PTGS1: variants seen among roughly 807,000 people sequenced by gnomAD.
PTGS1 encodes prostaglandin G/H synthase 1.
Under a neutral mutation model 63.0 loss-of-function variants are expected in PTGS1, and 40 were observed. That is an observed-to-expected ratio of 0.63 (90% CI 0.49 to 0.83). The LOEUF is 0.83. Among genes scored for constraint, PTGS1 ranks in the 40% least tolerant of loss-of-function variants. The probability of loss-of-function intolerance (pLI) is 0.00; values close to 1 mark genes in which losing one functional copy is unlikely to be tolerated. For missense variants in PTGS1, 709 were observed against 786.5 expected, an observed-to-expected ratio of 0.90 and a Z score of 1.18; for synonymous variants, 298 against 301.9, an observed-to-expected ratio of 0.99 and a Z score of 0.13.
chr9:122,373,867 T>C (rs548386424), intron 2 of PTGS1, among the ~76,000 whole-genome samples: 24 of 148,540 alleles, frequency 1.6e-4, no homozygotes, highest in Non-Finnish European at 2.8e-4. Context: ...TTTTTTTTTT[T>C]TCTCTCTGGC....
intron 2 of PTGS1, among the ~76,000 whole-genome samples, chr9:122,373,709 C>T (rs976918881): frequency 3.3e-5 from 5 of 152,204 alleles, no homozygotes; most frequent in African/African-American, 4.8e-5. Context: ...CACCTGCTCT[C>T]GCCAGCACCA....
intron 3 of PTGS1, 102 bp from the exon 4 acceptor site, chr9:122,378,331 C>G (rs1487047706): frequency 1.3e-6 from 2 of 1,506,194 alleles, no homozygotes; most frequent in African/African-American, 1.4e-5. Context: ...AGGTGCTACT[C>G]TGTTCCACCC....
At chr9:122,372,975 A>G (rs3119773) in intron 2 of PTGS1, 130,695 of 152,324 alleles carry the variant, frequency 0.86, 56,186 homozygotes, top group East Asian at 0.99. Context: ...TCATGGGAGG[A>G]AGCAGGGGTA....
At position 122,390,254 on chromosome 9, in the gene PTGS1, C is replaced by T. The variant is rs1374814910; in HGVS notation, c.1353C>T (p.Ile451=). 2.5e-6 allele frequency: 4 copies of T among 1,613,994 alleles called. No homozygotes were observed. The highest frequency in any genetic ancestry group is 3.4e-6 in the Non-Finnish European group (4 of 1,180,018). The change falls in exon 10 of 11, where the codon ATC becomes ATT. Residue 451 remains isoleucine, a synonymous_variant. Transcript: ENST00000362012. The part of the protein sequence containing the change: ...HHILHVAVDV[I]RESREMRLQP... The stretch of plus-strand genomic sequence containing the variant: ...TCCTGCATGTGGCTGTGGATGTCAT[C>T]AGGGAGTCTCGGGAGATGCGGCTGC...
intron 9 of PTGS1, among the ~76,000 whole-genome samples, chr9:122,389,661 A>G (rs1838084073): frequency 1.3e-5 from 2 of 152,106 alleles, no homozygotes; most frequent in African/African-American, 4.8e-5. Flanking sequence ...CACACTTCAA[A>G]GATGAGGAAG....
intron 8 of PTGS1, among the ~76,000 whole-genome samples, chr9:122,386,130 TAAA>T (rs72444571): frequency 5.0e-5 from 7 of 138,940 alleles, no homozygotes; most frequent in Non-Finnish European, 7.9e-5. Context: ...CCCCATCTCT[TAAA>T]AAAAAAAAAA....
rs532566139 is a variant in PTGS1 at position 122,378,329 on chromosome 9, C to G, written c.212-104C>G. ...CTTACCCACTTCCCCATAGGTGCTA[C>G]TCTGTTCCACCCTGGCCCTTGTCCT... On this transcript the variant is annotated intron_variant, in intron 3 of 10. Transcript: ENST00000362012. 4.3e-5 allele frequency: 65 copies of G among 1,511,304 alleles called. No individual in the cohort carries two copies. In the South Asian group the frequency reaches 6.9e-4, roughly 16 times the overall value. 93.6% of individuals were successfully genotyped at this position (1,511,304 alleles called of 1,614,324 possible).
intron 7 of PTGS1, 139 bp downstream of exon 7, chr9:122,381,886 G>C (rs1837552821): frequency 1.2e-6 from 1 of 867,462 alleles, no homozygotes; most frequent in Admixed American, 2.2e-5. Flanking sequence ...AGGAGCGACA[G>C]TATACGCTGG....
intron 2 of PTGS1, chr9:122,371,877 C>G (rs77329588): frequency 7.2e-7 from 1 of 1,389,036 alleles, no homozygotes; most frequent in Non-Finnish European, 9.9e-7. Context: ...ACATGGTGGG[C>G]CCAGGATCTG....
At position 122,371,244 on chromosome 9, in the gene PTGS1, G is replaced by A; in HGVS notation, c.66G>A (p.Leu22=). 1 of 1,607,138 alleles carries A rather than the reference G, an allele frequency of 6.2e-7. No homozygotes were observed. ...FLLLLPPLPV[L]LADPGAPTPV... is the part of the protein sequence containing the mutation. The stretch of plus-strand genomic sequence containing the variant: ...TCCTGCTCCCGCCGCTCCCCGTCCT[G>A]CTCGCGGACCCAGGGGCGCCCACGC... Residue 22 remains leucine, a synonymous_variant, in exon 2 of 11, where the codon CTG becomes CTA. Transcript: ENST00000362012.
chr9:122,387,455 A>G (rs1411437648), intron 9 of PTGS1, among the ~76,000 whole-genome samples: 1 of 152,194 alleles, frequency 6.6e-6, no homozygotes, highest in Non-Finnish European at 1.5e-5. Context: ...CCAGAACCTT[A>G]GTATGTGACT....
intron 2 of PTGS1, among the ~76,000 whole-genome samples, chr9:122,377,148 A>T (rs1057428918): frequency 6.6e-6 from 1 of 152,052 alleles, no homozygotes; most frequent in Non-Finnish European, 1.5e-5. Context: ...GAGACCTTGG[A>T]GTCCCCCTCC....
chr9:122,386,360 A>G, intron 8 of PTGS1, 86 bp from the exon 9 acceptor site: 2 of 1,382,722 alleles, frequency 1.4e-6, no homozygotes, highest in Non-Finnish European at 2.0e-6. Context: ...AAAAGCAAGC[A>G]CCTCTCATGA....
chr9:122,383,319 C>A (rs1170370463), intron 7 of PTGS1, among the ~76,000 whole-genome samples, 190 bp from the exon 8 acceptor site: 2 of 148,094 alleles, frequency 1.4e-5, no homozygotes, highest in Non-Finnish European at 3.0e-5. Flanking sequence ...GGAAGATGAG[C>A]GGGGGTTGCT....
At chr9:122,383,802 C>T (rs1429093973) in intron 8 of PTGS1, 47 bp downstream of exon 8, 1 of 1,582,050 alleles carries the variant, frequency 6.3e-7, no homozygotes, top group Middle Eastern at 1.7e-4. Context: ...TTCCCTCCAT[C>T]CTGAGAAGTT....
chr9:122,371,522 A>G, intron 2 of PTGS1: 1 of 1,336,534 alleles, frequency 7.5e-7, no homozygotes. Flanking sequence ...ACTTGGGGAG[A>G]AGGGACAGTC....
At position 122,371,288 on chromosome 9, in the gene PTGS1, C is replaced by T. The variant is rs765810150; in HGVS notation, c.94+16C>T. 10 of 1,602,178 alleles carry T rather than the reference C, an allele frequency of 6.2e-6. No individual in the cohort carries two copies. The South Asian group carries it at 9.9e-5, about 16-fold the overall frequency. ...CCCACGCCAGGTAGGCGGCCCCATC[C>T]CTCCCCAAGGGAATCCCCGGTCTTG... On this transcript the variant is annotated intron_variant, in intron 2 of 10. Coordinates refer to ENST00000362012, the MANE Select transcript of PTGS1 (RefSeq NM_000962.4).
chr9:122,371,254 C>G lies in PTGS1; in HGVS notation c.76C>G (p.Pro26Ala). 6.2e-7 allele frequency: 1 copy of G among 1,606,020 alleles called. No individual in the cohort carries two copies. Among genetic ancestry groups the G allele is most frequent in the Non-Finnish European group, 8.5e-7 (1 of 1,179,914 alleles). The stretch of plus-strand genomic sequence containing the variant: ...GCCGCTCCCCGTCCTGCTCGCGGAC[C>G]CAGGGGCGCCCACGCCAGGTAGGCG... ...LPPLPVLLADPGAPTPVNPCC... is the reference protein window; with the variant it reads ...LPPLPVLLADAGAPTPVNPCC... The change falls in exon 2 of 11, where the codon CCA becomes GCA. Residue 26 changes from proline to alanine, a missense_variant. By Grantham distance (27) the Pro-to-Ala change is conservative (BLOSUM62 -1). Transcript: ENST00000362012.
chr9:122,381,312 C>A, intron 5 of PTGS1, 59 bp from the exon 6 acceptor site: 2 of 1,557,384 alleles, frequency 1.3e-6, no homozygotes, highest in Non-Finnish European at 1.7e-6. Flanking sequence ...GCCCAGATGT[C>A]CCCAGGGCAG....
Sources: allele counts gnomAD v4.1 joint callset (sites outside exome capture counted in the v4.1 genomes callset), GRCh38; gene constraint gnomAD v4.1.1; transcripts MANE v1.5; gene names NCBI Gene and HGNC (gene_info 2026-07-23, HGNC 2026-07-21).